The following ZNHIT6 variants were observed in gnomAD, a reference collection of about 807,000 sequenced individuals.
ZNHIT6 encodes the protein box C/D snoRNA protein 1.
Under a neutral mutation model 57.2 loss-of-function variants are expected in ZNHIT6, and 45 were observed. The observed-to-expected ratio is 0.79, with a 90% CI of 0.62 to 1.01. The LOEUF (loss-of-function observed/expected upper bound fraction) is 1.01. Among genes scored for constraint, ZNHIT6 ranks in the 50% least tolerant of loss-of-function variants. ZNHIT6 has a pLI of 0.00. For synonymous variants in ZNHIT6, 188 were observed against 190.0 expected, an observed-to-expected ratio of 0.99 and a Z score of 0.09; for missense variants, 528 against 567.3, an observed-to-expected ratio of 0.93 and a Z score of 0.70.
At chr1:85,674,243 C>G (rs1189515990) in intron 8 of ZNHIT6, among the ~76,000 whole-genome samples, 1 of 152,120 alleles carries the variant, frequency 6.6e-6, no homozygotes, top group Non-Finnish European at 1.5e-5. Flanking sequence ...TAAGCTTTCT[C>G]CACAGATAAG....
intron 5 of ZNHIT6, among the ~76,000 whole-genome samples, chr1:85,683,447 C>T (rs1010718034): frequency 4.6e-5 from 7 of 151,694 alleles, no homozygotes; most frequent in African/African-American, 1.5e-4. Context: ...TGCTTGAACC[C>T]GGGAGGCGGA....
chr1:85,679,581 T>TA (rs1553156726), intron 6 of ZNHIT6, among the ~76,000 whole-genome samples: 4 of 146,846 alleles, frequency 2.7e-5, no homozygotes, highest in African/African-American at 7.8e-5. Context: ...TTTTTTTTTT[T>TA]AATTTTTTTG....
At chr1:85,677,465 C>T in intron 7 of ZNHIT6, 152 bp from the exon 8 acceptor site, 3 of 546,632 alleles carry the variant, frequency 5.5e-6, no homozygotes, top group Non-Finnish European at 8.8e-6. Context: ...AACCAGAAAT[C>T]TGAAAAGAAA....
At chr1:85,668,039 T>C (rs959257537) in intron 8 of ZNHIT6, among the ~76,000 whole-genome samples, 3 of 144,958 alleles carry the variant, frequency 2.1e-5, no homozygotes, top group Admixed American at 1.4e-4. Flanking sequence ...ATTCCGATTC[T>C]CTTGCAGAAT....
intron 8 of ZNHIT6, among the ~76,000 whole-genome samples, chr1:85,670,910 C>T (rs551996283): frequency 2.9e-4 from 44 of 152,264 alleles, no homozygotes; most frequent in African/African-American, 9.9e-4. Context: ...ATAGAAAATG[C>T]GTACCAACAT....
At position 85,650,573 on chromosome 1, in the gene ZNHIT6, A is replaced by C. The variant is rs764918542; in HGVS notation, c.*3485T>G. On this transcript the variant is annotated 3_prime_UTR_variant, in exon 10 of 10. Coordinates refer to ENST00000370574, the MANE Select transcript of ZNHIT6 (RefSeq NM_017953.4). Reference sequence around the variant, plus strand: ...TTGTGTCGCTATAATAGAATATCTAAGACTGGGTAACTTATTTTTAAAAAG... The same window carrying C: ...TTGTGTCGCTATAATAGAATATCTACGACTGGGTAACTTATTTTTAAAAAG... The C allele has an allele frequency of 1.3e-5, 2 of 152,184 alleles. No homozygotes were observed. Among genetic ancestry groups the C allele is most frequent in the Non-Finnish European group, 2.9e-5 (2 of 68,030 alleles). The allele number at this position is 152,184 out of a possible 1,614,324, so 9.4% of individuals were successfully genotyped here.
chr1:85,676,138 A>G (rs1416931661), intron 8 of ZNHIT6, among the ~76,000 whole-genome samples: 1 of 152,000 alleles, frequency 6.6e-6, no homozygotes, highest in Admixed American at 6.6e-5. Context: ...GGAGTTTGAG[A>G]CCAGCCTGAC....
At chr1:85,697,041 T>G (rs1056535403) in intron 5 of ZNHIT6, among the ~76,000 whole-genome samples, 1 of 17,410 alleles carries the variant, frequency 5.7e-5, no homozygotes, top group Admixed American at 8.4e-4. Flanking sequence ...TTCGTATTTT[T>G]TTTTTTTTTT....
At chr1:85,663,471 T>C (rs1661279794) in intron 8 of ZNHIT6, among the ~76,000 whole-genome samples, 2 of 152,200 alleles carry the variant, frequency 1.3e-5, no homozygotes, top group South Asian at 4.1e-4. Flanking sequence ...TTAATGCATG[T>C]GAAAATGTTA....
intron 9 of ZNHIT6, among the ~76,000 whole-genome samples, chr1:85,656,784 G>A (rs1434292486): frequency 1.3e-5 from 2 of 152,008 alleles, no homozygotes; most frequent in Non-Finnish European, 2.9e-5. Flanking sequence ...CTGGTTTCAA[G>A]TTGTAGCACT....
intron 5 of ZNHIT6, among the ~76,000 whole-genome samples, chr1:85,681,419 A>G (rs1661869670): frequency 6.6e-6 from 1 of 152,220 alleles, no homozygotes; most frequent in Non-Finnish European, 1.5e-5. Context: ...CATAGCATCA[A>G]CAGCAATAAC....
Position 85,652,651 on chromosome 1 carries a change from C to G in ZNHIT6, c.*1407G>C, listed in dbSNP as rs1323696534. On this transcript the variant is annotated 3_prime_UTR_variant, in exon 10 of 10. Transcript: ENST00000370574. The stretch of plus-strand genomic sequence containing the variant: ...CAAATTTATCTTCTGCTCATCTTCT[C>G]ATTCTCTTTTCATATTTCAGATCTT... 1.3e-5 allele frequency: 2 copies of G among 152,118 alleles called. No homozygotes were observed. Among genetic ancestry groups the G allele is most frequent in the African/African-American group, 4.8e-5 (2 of 41,436 alleles). The allele number at this position is 152,118 out of a possible 1,614,324, so 9.4% of individuals were successfully genotyped here. A position where few individuals can be genotyped will look rare whatever the true frequency, so the allele number is the denominator to read the frequency against.
At chr1:85,673,527 C>T (rs1557847313) in intron 8 of ZNHIT6, among the ~76,000 whole-genome samples, 1 of 152,158 alleles carries the variant, frequency 6.6e-6, no homozygotes, top group Non-Finnish European at 1.5e-5. Flanking sequence ...CCAATGGAAA[C>T]TGGCAACATC....
At chr1:85,700,317 A>G (rs1662494656) in intron 5 of ZNHIT6, among the ~76,000 whole-genome samples, 1 of 152,188 alleles carries the variant, frequency 6.6e-6, no homozygotes, top group African/African-American at 2.4e-5. Flanking sequence ...TAAAAGACTA[A>G]GAAATGGATT....
intron 4 of ZNHIT6, among the ~76,000 whole-genome samples, chr1:85,704,417 T>C (rs979498462): frequency 1.3e-5 from 2 of 151,692 alleles, no homozygotes; most frequent in African/African-American, 2.4e-5. Flanking sequence ...AGTCCTAAGA[T>C]AGAAAAAAAT....
At chr1:85,683,026 A>G (rs1661920937) in intron 5 of ZNHIT6, among the ~76,000 whole-genome samples, 1 of 151,602 alleles carries the variant, frequency 6.6e-6, no homozygotes, top group African/African-American at 2.4e-5. Context: ...AGATCAGCCT[A>G]GGCAACATGA....
chr1:85,697,409 T>C lies in ZNHIT6; in HGVS notation c.1019+4748A>G, dbSNP rs973764258. On this transcript the variant is annotated intron_variant, in intron 5 of 9. Transcript: ENST00000370574. ...AGTATTTTTATTTCATTTTAAGATT[T>C]TGATCCACCTGGATGTTATTTAGTA... is the stretch of plus-strand genomic sequence containing the variant. 2.0e-5 allele frequency among the ~76,000 whole-genome samples: 3 copies of C among 152,206 alleles called. No individual in the cohort carries two copies. The East Asian group carries it at 5.8e-4, about 29-fold the overall frequency.
chr1:85,699,991 T>A (rs1317280542), intron 5 of ZNHIT6, among the ~76,000 whole-genome samples: 1 of 152,174 alleles, frequency 6.6e-6, no homozygotes, highest in Non-Finnish European at 1.5e-5. Flanking sequence ...AAAAAATTAA[T>A]GTTTAACTTG....
At chr1:85,664,897 T>C (rs1414734020) in intron 8 of ZNHIT6, among the ~76,000 whole-genome samples, 1 of 152,162 alleles carries the variant, frequency 6.6e-6, no homozygotes, top group Non-Finnish European at 1.5e-5. Context: ...AGAGGCACGA[T>C]CTCAGCTCAC....
Sources: gnomAD v4.1 joint callset for allele counts (sites outside exome capture counted in the v4.1 genomes callset) on GRCh38, gnomAD v4.1.1 for gene constraint, MANE v1.5 for transcripts, NCBI Gene and HGNC (gene_info 2026-07-23, HGNC 2026-07-21) for gene names.